DOCK3: variants seen among roughly 807,000 people sequenced by gnomAD.
DOCK3 encodes dedicator of cytokinesis 3, also known as dedicator of cytokinesis protein 3.
A neutral mutation model predicts 265.6 loss-of-function variants in DOCK3; 60 were observed. The ratio of observed to expected loss-of-function variants is 0.23; its 90% confidence interval spans 0.18 to 0.28. DOCK3 has a LOEUF of 0.28. DOCK3 is among the 10% of genes least tolerant of loss of function. The pLI is 1.00. For missense variants in DOCK3, 1,981 were observed against 2,594.3 expected (o/e 0.76, Z 5.14); for synonymous variants, 881 against 938.0 (o/e 0.94, Z 1.11).
At chr3:50,911,720 G>A (rs66632391) in intron 4 of DOCK3, among the ~76,000 whole-genome samples, 1 of 151,946 alleles carries the variant, frequency 6.6e-6, no homozygotes, top group Non-Finnish European at 1.5e-5. Flanking sequence ...GAGAGAGAGA[G>A]AGAAAGAAAG....
chr3:51,134,955 A>C (rs1228028801), intron 9 of DOCK3, among the ~76,000 whole-genome samples: 2 of 152,212 alleles, frequency 1.3e-5, no homozygotes, highest in African/African-American at 4.8e-5. Flanking sequence ...GATCAAGAGC[A>C]ATTAGGCAAG....
intron 26 of DOCK3, 133 bp downstream of exon 26, chr3:51,277,887 C>G: frequency 6.6e-7 from 1 of 1,511,036 alleles, no homozygotes; most frequent in South Asian, 1.3e-5. Context: ...AGCATGCTGC[C>G]CTCTTCCCTT....
At chr3:50,717,300 C>T (rs60132317) in intron 1 of DOCK3, among the ~76,000 whole-genome samples, 7,012 of 152,210 alleles carry the variant, frequency 0.046, 584 homozygotes, top group African/African-American at 0.16. Context: ...TCTGAGTGTA[C>T]GCACTTGTCT....
chr3:50,755,655 T>C (rs993998934), intron 1 of DOCK3, among the ~76,000 whole-genome samples: 1 of 152,202 alleles, frequency 6.6e-6, no homozygotes, highest in South Asian at 2.1e-4. Flanking sequence ...CTGTGCCCAA[T>C]AGCAATCAAT....
At chr3:50,719,685 A>G (rs777502480) in intron 1 of DOCK3, 8 of 1,547,110 alleles carry the variant, frequency 5.2e-6, no homozygotes, top group Non-Finnish European at 7.1e-6. Context: ...TGACATGGAC[A>G]AGATGCCGGG....
At chr3:50,975,909 G>T (rs2077432435) in intron 5 of DOCK3, among the ~76,000 whole-genome samples, 2 of 150,008 alleles carry the variant, frequency 1.3e-5, no homozygotes, top group South Asian at 4.3e-4. Context: ...ATTTCTTCTA[G>T]ATTTTCTAGT....
Position 51,064,604 on chromosome 3 carries a change from TG to T in DOCK3, c.464+9del. On this transcript the variant is annotated intron_variant, in intron 6 of 52. Coordinates refer to ENST00000266037, the MANE Select transcript of DOCK3 (RefSeq NM_004947.5). ...CCTGGACTGGGGTAATGAGTAAGTA[TG>T]AAAATTGTTTGGGTATCTCTCAGTT... 6.2e-7 allele frequency: 1 copy of T among 1,611,770 alleles called. No homozygotes were observed. The highest frequency in any genetic ancestry group is 8.5e-7 in the Non-Finnish European group (1 of 1,178,156).
intron 9 of DOCK3, among the ~76,000 whole-genome samples, chr3:51,094,377 T>G (rs914599869): frequency 4.6e-5 from 7 of 151,538 alleles, no homozygotes; most frequent in African/African-American, 1.7e-4. Context: ...GGGATTCGAC[T>G]TCTTCTGGGT....
chr3:51,181,297 C>G (rs554929602), intron 12 of DOCK3, among the ~76,000 whole-genome samples: 1 of 105,862 alleles, frequency 9.4e-6, no homozygotes, highest in African/African-American at 3.8e-5. Context: ...CTCCCCCCAC[C>G]CCACAACAGG....
At chr3:51,366,975 G>T (rs913857076) in intron 49 of DOCK3, among the ~76,000 whole-genome samples, 3 of 152,186 alleles carry the variant, frequency 2.0e-5, no homozygotes, top group African/African-American at 7.2e-5. Flanking sequence ...GTTGATTTGG[G>T]GTGGAGAGTT....
At chr3:51,054,647 C>T (rs967424268) in intron 5 of DOCK3, among the ~76,000 whole-genome samples, 1 of 152,156 alleles carries the variant, frequency 6.6e-6, no homozygotes, top group African/African-American at 2.4e-5. Context: ...ATTTTGTCTC[C>T]CATTTATCTA....
At position 51,240,053 on chromosome 3, in the gene DOCK3, ATCTT is replaced by A. The variant is rs377228474; in HGVS notation, c.2102+2467_2102+2470del. Among the ~76,000 whole-genome samples, 195 of 152,220 alleles carry A rather than the reference ATCTT, an allele frequency of 1.3e-3. 1 individual carries two copies. Among genetic ancestry groups the A allele is most frequent in the East Asian group, 3.5e-3 (18 of 5,166 alleles). On this transcript the variant is annotated intron_variant, in intron 21 of 52. Coordinates refer to ENST00000266037, the MANE Select transcript of DOCK3 (RefSeq NM_004947.5). ...TGTGATGTTAGGCTGTTAAATTGAG[ATCTT>A]TCTAACTTTTTGATTTGGGCATTCA... is the stretch of plus-strand genomic sequence containing the variant.
chr3:50,835,747 G>T (rs556223820), intron 2 of DOCK3, among the ~76,000 whole-genome samples: 6 of 152,290 alleles, frequency 3.9e-5, no homozygotes, highest in Admixed American at 3.9e-4. Context: ...TTTTGTAGCA[G>T]ATTCTGGATC....
chr3:51,181,639 T>C (rs2107735615), intron 12 of DOCK3, among the ~76,000 whole-genome samples: 1 of 152,284 alleles, frequency 6.6e-6, no homozygotes, highest in Non-Finnish European at 1.5e-5. Flanking sequence ...TTATTGTGGA[T>C]TCAAAACATG....
chr3:51,181,409 T>C (rs2087288583), intron 12 of DOCK3, among the ~76,000 whole-genome samples: 1 of 151,550 alleles, frequency 6.6e-6, no homozygotes, highest in South Asian at 2.1e-4. Context: ...GTTCTTGCGA[T>C]AGTTTGCTGA....
At chr3:50,694,955 C>T (rs1274596834) in intron 1 of DOCK3, among the ~76,000 whole-genome samples, 2 of 152,132 alleles carry the variant, frequency 1.3e-5, no homozygotes, top group Non-Finnish European at 2.9e-5. Flanking sequence ...TTTCTTTTTC[C>T]CTTTGGGGCA....
At chr3:51,186,104 G>A (rs1475697715) in intron 12 of DOCK3, among the ~76,000 whole-genome samples, 1 of 152,166 alleles carries the variant, frequency 6.6e-6, no homozygotes, top group Admixed American at 6.5e-5. Context: ...AGGAAAATGC[G>A]GGAAAGTTTG....
At chr3:50,823,422 C>T (rs2044569102) in intron 2 of DOCK3, among the ~76,000 whole-genome samples, 1 of 152,188 alleles carries the variant, frequency 6.6e-6, no homozygotes, top group East Asian at 1.9e-4. Flanking sequence ...TCTTGCACCG[C>T]CCTTAATCCA....
At position 51,365,285 on chromosome 3, in the gene DOCK3, T is replaced by G. The variant is rs566096961; in HGVS notation, c.5293+2611T>G. The stretch of plus-strand genomic sequence containing the variant: ...AGTTCACTCCTGATTTGGCTCTATG[T>G]TTGTCTGTTATTGGTGTATAGGAAT... On this transcript the variant is annotated intron_variant, in intron 49 of 52. Coordinates refer to ENST00000266037, the MANE Select transcript of DOCK3 (RefSeq NM_004947.5). Among the ~76,000 whole-genome samples the G allele has an allele frequency of 8.4e-4, 128 of 152,368 alleles. 3 individuals are homozygous for G. The South Asian group carries it at 0.026, about 31-fold the overall frequency.
Sources: allele counts gnomAD v4.1 joint callset (sites outside exome capture counted in the v4.1 genomes callset), GRCh38; gene constraint gnomAD v4.1.1; transcripts MANE v1.5; gene names NCBI Gene and HGNC (gene_info 2026-07-23, HGNC 2026-07-21).